Variants in LRP1B observed in about 807,000 individuals in gnomAD.
LRP1B encodes low-density lipoprotein receptor-related protein 1B.
In LRP1B, 217 loss-of-function variants were observed where a neutral mutation model predicts 556.6. The observed-to-expected ratio is 0.39, with a 90% CI of 0.35 to 0.44. The LOEUF (loss-of-function observed/expected upper bound fraction) is 0.44, where lower values mean the gene tolerates loss of function less well. Among genes scored for constraint, LRP1B ranks in the 20% least tolerant of loss-of-function variants. The pLI is 1.00. For synonymous variants in LRP1B, 2,047 were observed against 1,865.8 expected (o/e 1.10, Z -2.50); for missense variants, 5,053 against 5,620.8 (o/e 0.90, Z 3.23).
intron 18 of LRP1B, among the ~76,000 whole-genome samples, chr2:140,956,844 C>T (rs1220923918): frequency 6.6e-6 from 1 of 151,642 alleles, no homozygotes; most frequent in East Asian, 1.9e-4. Context: ...TACCTAACAT[C>T]TCTGAACAGA....
intron 59 of LRP1B, among the ~76,000 whole-genome samples, chr2:140,480,785 A>C (rs1288341972): frequency 6.6e-6 from 1 of 152,162 alleles, no homozygotes; most frequent in Non-Finnish European, 1.5e-5. Context: ...AAATAAATGA[A>C]AGTATGTCTT....
intron 2 of LRP1B, among the ~76,000 whole-genome samples, chr2:141,487,575 T>C (rs562481318): frequency 6.6e-6 from 1 of 152,166 alleles, no homozygotes; most frequent in Non-Finnish European, 1.5e-5. Context: ...CATCATCTAA[T>C]TGAAGCTTCA....
chr2:141,050,200 T>C (rs1159497424), intron 10 of LRP1B, among the ~76,000 whole-genome samples: 1 of 151,656 alleles, frequency 6.6e-6, no homozygotes, highest in Non-Finnish European at 1.5e-5. Context: ...ATTTGGAAAA[T>C]AATAAAATAA....
intron 32 of LRP1B, among the ~76,000 whole-genome samples, chr2:140,803,231 A>G (rs1690576290): frequency 6.6e-6 from 1 of 150,464 alleles, no homozygotes; most frequent in Non-Finnish European, 1.5e-5. Context: ...AGCCCTGAAT[A>G]AAAGTGGTCA....
chr2:141,153,283 ATATATATT>A (rs1287208856), intron 7 of LRP1B, among the ~76,000 whole-genome samples: 1 of 124,586 alleles, frequency 8.0e-6, no homozygotes, highest in African/African-American at 3.0e-5. Flanking sequence ...TATATAAGCT[ATATATATT>A]TATATATAAT....
At chr2:140,701,063 G>A (rs1311074210) in intron 40 of LRP1B, among the ~76,000 whole-genome samples, 2 of 151,954 alleles carry the variant, frequency 1.3e-5, no homozygotes, top group African/African-American at 4.8e-5. Flanking sequence ...TAAATATGCT[G>A]AGCATAAGTT....
At chr2:141,982,517 A>G (rs186676967) in intron 1 of LRP1B, among the ~76,000 whole-genome samples, 72 of 152,266 alleles carry the variant, frequency 4.7e-4, no homozygotes, top group African/African-American at 1.7e-3. Context: ...AAATATATTC[A>G]TTCTTAATTA....
intron 1 of LRP1B, among the ~76,000 whole-genome samples, chr2:141,898,465 G>A (rs1013418431): frequency 6.6e-6 from 1 of 152,010 alleles, no homozygotes; most frequent in Non-Finnish European, 1.5e-5. Context: ...GTTTTAAGGT[G>A]GTAAATTATC....
At chr2:141,073,654 C>G (rs1276694278) in intron 7 of LRP1B, among the ~76,000 whole-genome samples, 1 of 152,086 alleles carries the variant, frequency 6.6e-6, no homozygotes, top group Non-Finnish European at 1.5e-5. Flanking sequence ...ATATAACATA[C>G]CTAGTATTAA....
At position 140,791,065 on chromosome 2, in the gene LRP1B, C is replaced by T. The variant is rs535421726; in HGVS notation, c.5360-14827G>A. On this transcript the variant is annotated intron_variant, in intron 32 of 90. Coordinates refer to ENST00000389484, the MANE Select transcript of LRP1B (RefSeq NM_018557.3). ...GGTCAAGAGATCGAGACCATCCTGGCCAACATGGTGAAACCCTATCTCTAC... is the reference window on the plus strand; with the variant it reads ...GGTCAAGAGATCGAGACCATCCTGGTCAACATGGTGAAACCCTATCTCTAC... 2.0e-5 allele frequency among the ~76,000 whole-genome samples: 3 copies of T among 151,854 alleles called. No homozygotes were observed. The East Asian group carries it at 5.8e-4, about 30-fold the overall frequency.
At chr2:141,091,204 A>T (rs1312605602) in intron 7 of LRP1B, among the ~76,000 whole-genome samples, 11 of 152,080 alleles carry the variant, frequency 7.2e-5, no homozygotes, top group Admixed American at 7.2e-4. Flanking sequence ...TAATGGAGGG[A>T]TTTGTAGGCC....
chr2:142,106,780 A>T (rs1346927842), intron 1 of LRP1B, among the ~76,000 whole-genome samples: 2 of 152,124 alleles, frequency 1.3e-5, no homozygotes, highest in African/African-American at 4.8e-5. Flanking sequence ...CAAAATTTTT[A>T]AAAGTTGAAG....
intron 25 of LRP1B, among the ~76,000 whole-genome samples, chr2:140,869,530 A>G (rs879534830): frequency 7.2e-5 from 11 of 152,166 alleles, no homozygotes; most frequent in Non-Finnish European, 1.3e-4. Context: ...TATACAGAGA[A>G]TAGATAATAG....
intron 1 of LRP1B, among the ~76,000 whole-genome samples, chr2:142,089,301 C>A (rs1448793899): frequency 1.3e-5 from 2 of 152,050 alleles, no homozygotes; most frequent in African/African-American, 4.8e-5. Flanking sequence ...ACGGGCTACC[C>A]TCAAAGTATT....
chr2:141,420,684 T>G (rs1336988315), intron 3 of LRP1B, among the ~76,000 whole-genome samples: 1 of 152,082 alleles, frequency 6.6e-6, no homozygotes, highest in Admixed American at 6.5e-5. Context: ...ACATCCATAC[T>G]CCACTCCCTC....
chr2:141,254,723 C>T, intron 3 of LRP1B, 82 bp from the exon 4 acceptor site: 2 of 1,092,398 alleles, frequency 1.8e-6, no homozygotes, highest in East Asian at 5.7e-5. Context: ...AATCCTTACA[C>T]TATAGTCTTG....
chr2:141,243,038 C>A (rs2105319557), intron 5 of LRP1B, among the ~76,000 whole-genome samples: 1 of 152,050 alleles, frequency 6.6e-6, no homozygotes, highest in South Asian at 2.1e-4. Flanking sequence ...TCATATTTGA[C>A]AAGTCATTAC....
At chr2:140,611,395 T>C (rs1273772165) in intron 41 of LRP1B, among the ~76,000 whole-genome samples, 1 of 152,090 alleles carries the variant, frequency 6.6e-6, no homozygotes, top group African/African-American at 2.4e-5. Context: ...TGTTAGAAAA[T>C]ATCAAATTTT....
intron 27 of LRP1B, among the ~76,000 whole-genome samples, chr2:140,858,125 T>A (rs1227013700): frequency 6.6e-6 from 1 of 152,182 alleles, no homozygotes; most frequent in African/African-American, 2.4e-5. Context: ...ACTGTTGGCA[T>A]CTTAGTGAAC....
Sources: allele counts gnomAD v4.1 joint callset (sites outside exome capture counted in the v4.1 genomes callset), GRCh38; gene constraint gnomAD v4.1.1; transcripts MANE v1.5; gene names NCBI Gene and HGNC (gene_info 2026-07-23, HGNC 2026-07-21).